Variants in RANBP1 observed in about 807,000 individuals in gnomAD.
RANBP1 encodes the protein RAN binding protein 1.
Under a neutral mutation model 31.4 loss-of-function variants are expected in RANBP1, and 16 were observed. The ratio of observed to expected loss-of-function variants is 0.51; its 90% CI spans 0.34 to 0.77. The LOEUF (loss-of-function observed/expected upper bound fraction) is 0.77, where lower values mean the gene tolerates loss of function less well. Ranked by LOEUF, RANBP1 falls within the 30% of genes least tolerant of loss-of-function variation. The probability of loss-of-function intolerance (pLI) is 0.01; values close to 1 mark genes in which losing one functional copy is unlikely to be tolerated. For synonymous variants in RANBP1, 129 were observed against 140.5 expected (o/e 0.92, Z 0.58); for missense variants, 265 against 362.0 (o/e 0.73, Z 2.17).
intron 3 of RANBP1, among the ~76,000 whole-genome samples, chr22:20,123,864 G>A (rs1409746590): frequency 6.6e-6 from 1 of 152,090 alleles, no homozygotes; most frequent in African/African-American, 2.4e-5. Context: ...CCCTTGGTAA[G>A]CTTCCTAGTG....
At chr22:20,122,855 A>G (rs1602544173) in intron 3 of RANBP1, among the ~76,000 whole-genome samples, 1 of 89,300 alleles carries the variant, frequency 1.1e-5, no homozygotes, top group Non-Finnish European at 2.2e-5. Context: ...GTGGTGGTGT[A>G]TAGGGGTGTG....
intron 1 of RANBP1, chr22:20,117,324 C>A: frequency 9.2e-7 from 1 of 1,089,608 alleles, no homozygotes; most frequent in Non-Finnish European, 1.2e-6. Flanking sequence ...CGGAAGTGCG[C>A]GCGGGTGTCG....
chr22:20,119,706 G>A (rs939809920), intron 2 of RANBP1, among the ~76,000 whole-genome samples: 6 of 152,080 alleles, frequency 3.9e-5, no homozygotes, highest in African/African-American at 1.4e-4. Context: ...TAGTAGAGAC[G>A]GAGTTTCACC....
chr22:20,119,021 T>A lies in RANBP1; in HGVS notation c.255T>A (p.His85Gln), dbSNP rs772778926. The change falls in exon 2 of 6, where the codon CAT (histidine) becomes CAA (glutamine). Residue 85 changes from histidine (H) to glutamine (Q), a missense_variant. Around this residue, in one of 3 missense-constraint regions of RANBP1, gnomAD observed 126 missense variants for 123.6 expected, o/e 1.02. Coordinates refer to ENST00000430524, the MANE Select transcript of RANBP1 (RefSeq NM_001278639.2). Reference protein sequence around the residue: ...SSSLKISEDTHEDHDTSTENT... With the variant: ...SSSLKISEDTQEDHDTSTENT... ...TCTTTGTATCTCCACAGGACACTCA[T>A]GAGGACCATGATACTTCCACTGAGA... 7 of 1,612,508 alleles carry A rather than the reference T, an allele frequency of 4.3e-6. No homozygotes were observed. Among genetic ancestry groups the A allele is most frequent in the Non-Finnish European group, 5.1e-6 (6 of 1,179,842 alleles).
At chr22:20,118,247 G>A (rs2050091304) in intron 1 of RANBP1, 1 of 1,002,522 alleles carries the variant, frequency 1.0e-6, no homozygotes, top group Non-Finnish European at 1.2e-6. Context: ...AAAAGCTTAT[G>A]TTTTCTTTTC....
chr22:20,125,420 C>A lies in RANBP1; in HGVS notation c.654C>A (p.Arg218=), dbSNP rs751910010. 1.4e-5 allele frequency: 22 copies of A among 1,607,694 alleles called. No homozygotes were observed. Among genetic ancestry groups the A allele is most frequent in the East Asian group, 4.5e-5 (2 of 44,638 alleles). The part of the protein sequence containing the change: ...ECPKPELLAI[R]FLNAENAQKF... ...CCAAGCCAGAGCTGCTGGCCATCCG[C>A]TTCCTGAATGCTGAGAGTGAGCCAA... The change falls in exon 4 of 6, where the codon CGC becomes CGA. Residue 218 remains arginine, a synonymous_variant. Transcript: ENST00000430524.
At chr22:20,125,089 G>A (rs1243969653) in intron 3 of RANBP1, 2 of 558,064 alleles carry the variant, frequency 3.6e-6, no homozygotes, top group Non-Finnish European at 6.4e-6. Context: ...ATTTAGGATG[G>A]TCCTGGTTTT....
rs747454744 is a variant in RANBP1 at position 20,126,491 on chromosome 22, G to A, written c.736+123G>A. 62 of 1,596,328 alleles carry A rather than the reference G, an allele frequency of 3.9e-5. No individual in the cohort carries two copies. The African/African-American group carries it at 4.0e-4, about 10-fold the overall frequency. On this transcript the variant is annotated intron_variant, in intron 5 of 5. Transcript: ENST00000430524. ...TTCCAGGGTGCTGTGGCCGCCTCAC[G>A]TATCCAGAGTGATGCAGCTCCCTGG...
intron 4 of RANBP1, among the ~76,000 whole-genome samples, 154 bp from the exon 5 acceptor site, chr22:20,126,146 CAGA>C (rs2050292442): frequency 6.6e-6 from 1 of 152,248 alleles, no homozygotes; most frequent in Non-Finnish European, 1.5e-5. Flanking sequence ...ATGAAGGAGA[CAGA>C]AGGCCAGGGC....
intron 1 of RANBP1, 63 bp downstream of exon 1, chr22:20,116,493 C>T (rs2050024797): frequency 3.7e-6 from 6 of 1,612,716 alleles, no homozygotes; most frequent in East Asian, 2.2e-5. Context: ...CTGTAGCCGC[C>T]CCAGCGCCCT....
At chr22:20,120,846 G>C (rs1019091602) in intron 2 of RANBP1, among the ~76,000 whole-genome samples, 1 of 152,130 alleles carries the variant, frequency 6.6e-6, no homozygotes, top group African/African-American at 2.4e-5. Context: ...TGGAATTCAA[G>C]ATGACCTGGA....
In RANBP1 at chr22:20,116,137, C is replaced by T. The variant is rs751338979; in HGVS notation, c.-48C>T. ...TAGAGGGGTCACCACGTCGGCCACT[C>T]GTGTTACTGGTGGCTCACTCTCACC... On this transcript the variant is annotated 5_prime_UTR_variant, in exon 1 of 6. Coordinates refer to ENST00000430524, the MANE Select transcript of RANBP1 (RefSeq NM_001278639.2). The T allele has an allele frequency of 2.8e-5, 45 of 1,612,800 alleles. No homozygotes were observed. Among genetic ancestry groups the T allele is most frequent in the Non-Finnish European group, 3.6e-5 (42 of 1,179,702 alleles).
intron 1 of RANBP1, among the ~76,000 whole-genome samples, chr22:20,118,722 C>T (rs1016362076): frequency 6.6e-6 from 1 of 152,226 alleles, no homozygotes; most frequent in Admixed American, 6.5e-5. Context: ...CAAGTGTTGG[C>T]GGCTTGTAGG....
intron 1 of RANBP1, chr22:20,117,382 G>A (rs1157687206): frequency 8.3e-7 from 1 of 1,208,778 alleles, no homozygotes; most frequent in Non-Finnish European, 1.0e-6. Context: ...GGCATGCGCC[G>A]CGGGCGTTTT....
intron 1 of RANBP1, chr22:20,118,074 C>T (rs368576470): frequency 3.0e-6 from 3 of 997,678 alleles, no homozygotes; most frequent in African/African-American, 1.7e-5. Context: ...TCGGTTCTTA[C>T]GTCTGGAACC....
chr22:20,125,172 T>C, intron 3 of RANBP1, 136 bp from the exon 4 acceptor site: 1 of 956,212 alleles, frequency 1.0e-6, no homozygotes, highest in East Asian at 2.5e-5. Flanking sequence ...TAAGCCTGGT[T>C]CTCCAACCCC....
chr22:20,116,812 C>A, intron 1 of RANBP1: 1 of 1,472,582 alleles, frequency 6.8e-7, no homozygotes, highest in Non-Finnish European at 9.3e-7. Flanking sequence ...TATTCTCTGG[C>A]AGGTTTCCTG....
chr22:20,126,776 C>G, intron 5 of RANBP1, 176 bp from the exon 6 acceptor site: 2 of 1,333,998 alleles, frequency 1.5e-6, no homozygotes, highest in Non-Finnish European at 1.0e-6. Context: ...GGCTTCCTTT[C>G]GTCACTGAAT....
At chr22:20,116,673 A>G in intron 1 of RANBP1, 2 of 1,499,462 alleles carry the variant, frequency 1.3e-6, no homozygotes, top group South Asian at 1.3e-5. Context: ...TGGCCCCCCA[A>G]GCTTCCTTAT....
Sources: gnomAD v4.1 joint callset for allele counts (sites outside exome capture counted in the v4.1 genomes callset) on GRCh38, gnomAD v4.1.1 for gene constraint, gnomAD v4.1.1 regional missense constraint, MANE v1.5 for transcripts, NCBI Gene and HGNC (gene_info 2026-07-23, HGNC 2026-07-21) for gene names.